Variants in PTPRD observed in about 807,000 individuals in gnomAD.
The protein encoded by PTPRD is protein tyrosine phosphatase receptor type D.
PTPRD carries 34 observed loss-of-function variants against 214.5 expected under a neutral mutation model. That is an observed-to-expected ratio of 0.16 (90% CI 0.12 to 0.21). The LOEUF (loss-of-function observed/expected upper bound fraction) is 0.21. Among genes scored for constraint, PTPRD ranks in the 10% least tolerant of loss-of-function variants. The pLI is 1.00. For missense variants in PTPRD, 2,545 were observed against 2,398.7 expected (o/e 1.06, Z -1.27); for synonymous variants, 1,128 against 845.7 (o/e 1.33, Z -5.79).
At chr9:9,490,771 A>T (rs2095859389) in intron 8 of PTPRD, among the ~76,000 whole-genome samples, 1 of 151,932 alleles carries the variant, frequency 6.6e-6, no homozygotes, top group African/African-American at 2.4e-5. Context: ...ACTACAAAAA[A>T]TTAACACAAA....
chr9:9,902,730 G>C (rs980745022), intron 5 of PTPRD, among the ~76,000 whole-genome samples: 1 of 152,094 alleles, frequency 6.6e-6, no homozygotes, highest in Non-Finnish European at 1.5e-5. Context: ...TAGGATGATA[G>C]ATACCTTAGA....
chr9:9,303,828 G>A (rs542876615), intron 9 of PTPRD, among the ~76,000 whole-genome samples: 2 of 152,130 alleles, frequency 1.3e-5, no homozygotes, highest in South Asian at 4.2e-4. Flanking sequence ...AACAAACACT[G>A]GCAACCACAT....
chr9:10,097,331 T>C (rs1419635941), intron 3 of PTPRD, among the ~76,000 whole-genome samples: 1 of 120,314 alleles, frequency 8.3e-6, no homozygotes, highest in Non-Finnish European at 1.7e-5. Context: ...CGTTGGGCAG[T>C]ATGGCCATTT....
intron 7 of PTPRD, among the ~76,000 whole-genome samples, chr9:9,623,829 A>G (rs1241424473): frequency 1.3e-5 from 2 of 152,220 alleles, no homozygotes; most frequent in Non-Finnish European, 2.9e-5. Context: ...ATCACTTTCA[A>G]GAAACAGTGC....
chr9:9,208,324 A>AT (rs1458349130), intron 9 of PTPRD, among the ~76,000 whole-genome samples: 4 of 151,688 alleles, frequency 2.6e-5, no homozygotes, highest in Non-Finnish European at 5.9e-5. Flanking sequence ...ATCTGCTTGT[A>AT]TTTTTTTAAA....
intron 7 of PTPRD, among the ~76,000 whole-genome samples, chr9:9,617,368 G>A (rs1390341454): frequency 6.6e-6 from 1 of 152,126 alleles, no homozygotes; most frequent in African/African-American, 2.4e-5. Flanking sequence ...AGAGCTGATT[G>A]TACTACTGGG....
intron 31 of PTPRD, among the ~76,000 whole-genome samples, chr9:8,466,763 T>G (rs1015317310): frequency 1.3e-5 from 2 of 151,898 alleles, no homozygotes; most frequent in African/African-American, 2.4e-5. Flanking sequence ...GAATGAACCT[T>G]GTCTTCACCT....
At chr9:9,961,093 C>G (rs1213875709) in intron 4 of PTPRD, among the ~76,000 whole-genome samples, 1 of 151,892 alleles carries the variant, frequency 6.6e-6, no homozygotes, top group African/African-American at 2.4e-5. Context: ...TATCTCCTTT[C>G]AAATATGAAT....
chr9:9,514,279 G>T (rs1443003258), intron 8 of PTPRD, among the ~76,000 whole-genome samples: 1 of 152,136 alleles, frequency 6.6e-6, no homozygotes, highest in African/African-American at 2.4e-5. Flanking sequence ...GGATCTATCA[G>T]GTTGAAGAAT....
At chr9:9,892,294 T>C (rs10124056) in intron 5 of PTPRD, among the ~76,000 whole-genome samples, 10,620 of 151,954 alleles carry the variant, frequency 0.07, 798 homozygotes, top group African/African-American at 0.19. Flanking sequence ...TTTGAACAGA[T>C]ACAAAAAGGA....
chr9:10,153,498 A>T (rs1001372087), intron 3 of PTPRD, among the ~76,000 whole-genome samples: 8 of 150,402 alleles, frequency 5.3e-5, no homozygotes, highest in Non-Finnish European at 1.0e-4. Context: ...TATTTATACA[A>T]TTTTTATATA....
At chr9:9,275,529 A>G (rs539851206) in intron 9 of PTPRD, among the ~76,000 whole-genome samples, 5 of 151,110 alleles carry the variant, frequency 3.3e-5, no homozygotes, top group African/African-American at 9.7e-5. Flanking sequence ...GTTCTGCAAC[A>G]GGTTCCATTA....
intron 9 of PTPRD, among the ~76,000 whole-genome samples, chr9:9,362,953 C>A (rs1041288038): frequency 6.6e-6 from 1 of 151,108 alleles, no homozygotes; most frequent in East Asian, 2.0e-4. Flanking sequence ...TCTTGTAAAT[C>A]CTTTTATCAA....
In PTPRD at chr9:8,398,083, T is replaced by C. The variant is rs144377676; in HGVS notation, c.4210+6454A>G. ...TCTCATTTGGATATTAGTTTTTCCA[T>C]AGATCACATATCAAAGAAATTTTGT... On this transcript the variant is annotated intron_variant, in intron 36 of 45. Coordinates refer to ENST00000381196, the MANE Select transcript of PTPRD (RefSeq NM_002839.4). Among the ~76,000 whole-genome samples the C allele has an allele frequency of 1.4e-3, 214 of 152,290 alleles. 1 individual carries two copies. Among genetic ancestry groups the C allele is most frequent in the Non-Finnish European group, 2.5e-3 (172 of 68,020 alleles).
intron 10 of PTPRD, among the ~76,000 whole-genome samples, chr9:9,092,831 T>C (rs2099778180): frequency 6.6e-6 from 1 of 152,002 alleles, no homozygotes; most frequent in South Asian, 2.1e-4. Context: ...TCATCAACCA[T>C]ACCAATAATT....
At chr9:9,704,258 T>C (rs1334068812) in intron 7 of PTPRD, among the ~76,000 whole-genome samples, 1 of 151,002 alleles carries the variant, frequency 6.6e-6, no homozygotes, top group African/African-American at 2.4e-5. Flanking sequence ...TTCTTTTTTC[T>C]TTTTTTTTGT....
chr9:9,737,319 T>C (rs1369196672), intron 6 of PTPRD, among the ~76,000 whole-genome samples: 1 of 152,168 alleles, frequency 6.6e-6, no homozygotes, highest in African/African-American at 2.4e-5. Context: ...TTTTCTACCC[T>C]TTCTTTCAAT....
At chr9:9,586,083 G>C (rs1012099925) in intron 7 of PTPRD, among the ~76,000 whole-genome samples, 2 of 152,008 alleles carry the variant, frequency 1.3e-5, no homozygotes, top group African/African-American at 4.8e-5. Flanking sequence ...TGCAGAGGTT[G>C]TGGTTTGGTT....
intron 8 of PTPRD, among the ~76,000 whole-genome samples, chr9:9,496,458 G>A (rs1018494000): frequency 6.6e-6 from 1 of 152,048 alleles, no homozygotes; most frequent in Non-Finnish European, 1.5e-5. Flanking sequence ...TGTCCAATAA[G>A]CACATGCAAA....
Sources: gnomAD v4.1 joint callset for allele counts (sites outside exome capture counted in the v4.1 genomes callset) on GRCh38, gnomAD v4.1.1 for gene constraint, MANE v1.5 for transcripts, NCBI Gene and HGNC (gene_info 2026-07-23, HGNC 2026-07-21) for gene names.